The following VSTM4 variants were observed in gnomAD, a reference collection of about 807,000 sequenced individuals.
VSTM4 encodes the protein V-set and transmembrane domain-containing protein 4.
VSTM4 carries 20 observed loss-of-function variants against 36.4 expected under a neutral mutation model. That is an observed-to-expected ratio of 0.55 (90% confidence interval 0.39 to 0.80). The LOEUF (loss-of-function observed/expected upper bound fraction) is 0.80, where lower values mean the gene tolerates loss of function less well. VSTM4 is among the 30% of genes least tolerant of loss of function. The pLI, the probability that VSTM4 is intolerant of heterozygous loss-of-function variation, is 0.00. For missense variants in VSTM4, 392 were observed against 404.5 expected (o/e 0.97, Z 0.26); for synonymous variants, 182 against 173.9 (o/e 1.05, Z -0.37).
intron 5 of VSTM4, 137 bp from the exon 6 acceptor site, chr10:49,048,721 G>A: frequency 1.5e-6 from 1 of 668,908 alleles, no homozygotes; most frequent in Non-Finnish European, 2.5e-6. Flanking sequence ...TTATCATATG[G>A]GTAGACTGGA....
chr10:49,048,719 T>A, intron 5 of VSTM4, 135 bp from the exon 6 acceptor site: 1 of 669,026 alleles, frequency 1.5e-6, no homozygotes, highest in Non-Finnish European at 2.5e-6. Context: ...GGTTATCATA[T>A]GGGTAGACTG....
At chr10:49,051,731 C>G (rs1290554951) in intron 5 of VSTM4, among the ~76,000 whole-genome samples, 1 of 152,188 alleles carries the variant, frequency 6.6e-6, no homozygotes, top group Non-Finnish European at 1.5e-5. Flanking sequence ...GAGTAATATT[C>G]TGTCATCTGG....
chr10:49,044,286 C>T (rs576046478), intron 7 of VSTM4, among the ~76,000 whole-genome samples: 2 of 151,654 alleles, frequency 1.3e-5, no homozygotes, highest in Non-Finnish European at 2.9e-5. Flanking sequence ...CGAGGTAGTA[C>T]CACTGCATTC....
chr10:49,027,525 T>TA (rs1223938160), intron 7 of VSTM4, among the ~76,000 whole-genome samples: 1 of 152,200 alleles, frequency 6.6e-6, no homozygotes, highest in Non-Finnish European at 1.5e-5. Flanking sequence ...AACACAGGTA[T>TA]AGATGTCTGT....
chr10:49,030,975 C>T (rs1475910667), intron 7 of VSTM4, among the ~76,000 whole-genome samples: 2 of 152,220 alleles, frequency 1.3e-5, no homozygotes, highest in African/African-American at 4.8e-5. Context: ...CATGGTCTAA[C>T]ATGGTCATTC....
chr10:49,033,897 C>T (rs1843384677), intron 7 of VSTM4, among the ~76,000 whole-genome samples: 1 of 152,066 alleles, frequency 6.6e-6, no homozygotes, highest in South Asian at 2.1e-4. Context: ...TTACCACCGC[C>T]ATCACCACCA....
intron 3 of VSTM4, among the ~76,000 whole-genome samples, chr10:49,080,493 A>G (rs572115081): frequency 1.8e-4 from 27 of 152,398 alleles, no homozygotes; most frequent in Non-Finnish European, 3.8e-4. Context: ...TAGTTTGAAT[A>G]GATTTCTGCT....
intron 3 of VSTM4, among the ~76,000 whole-genome samples, chr10:49,077,733 C>T (rs1844205709): frequency 6.6e-6 from 1 of 152,106 alleles, no homozygotes; most frequent in Admixed American, 6.5e-5. Context: ...CAAGAAAAAT[C>T]TTTGGGATCT....
intron 7 of VSTM4, among the ~76,000 whole-genome samples, chr10:49,023,511 G>T (rs1318045288): frequency 6.6e-6 from 1 of 152,222 alleles, no homozygotes; most frequent in Non-Finnish European, 1.5e-5. Flanking sequence ...TAAAAAACTG[G>T]TGGTAAAACC....
chr10:49,092,233 G>C (rs1421368110), intron 2 of VSTM4, among the ~76,000 whole-genome samples: 4 of 152,224 alleles, frequency 2.6e-5, no homozygotes, highest in Non-Finnish European at 5.9e-5. Flanking sequence ...CTGAGTTTCT[G>C]AGAGGGTTTG....
Position 49,071,888 on chromosome 10 carries a change from T to C in VSTM4, c.634+5331A>G, listed in dbSNP as rs138723878. Among the ~76,000 whole-genome samples the C allele has an allele frequency of 3.1e-3, 478 of 152,288 alleles. 1 individual carries two copies. The highest frequency in any genetic ancestry group is 5.2e-3 in the Non-Finnish European group (351 of 68,030). On this transcript the variant is annotated intron_variant, in intron 4 of 7. Coordinates refer to ENST00000332853, the MANE Select transcript of VSTM4 (RefSeq NM_001031746.5). ...GAAGCCCAACAAACATACAACTGCATAGAGAGACTGGAAACCATGAACAGA... is the reference window on the plus strand; with the variant it reads ...GAAGCCCAACAAACATACAACTGCACAGAGAGACTGGAAACCATGAACAGA...
At chr10:49,090,925 C>A (rs1330561515) in intron 2 of VSTM4, among the ~76,000 whole-genome samples, 1 of 151,760 alleles carries the variant, frequency 6.6e-6, no homozygotes, top group African/African-American at 2.4e-5. Flanking sequence ...TCCAGGGAGA[C>A]CATGACAAGG....
chr10:49,077,374 C>T, intron 3 of VSTM4, 48 bp from the exon 4 acceptor site: 1 of 1,541,152 alleles, frequency 6.5e-7, no homozygotes, highest in Non-Finnish European at 9.0e-7. Context: ...GGGGCCGCAG[C>T]AGAAGTGCGC....
At chr10:49,042,786 T>C (rs764814374) in intron 7 of VSTM4, among the ~76,000 whole-genome samples, 5 of 152,252 alleles carry the variant, frequency 3.3e-5, no homozygotes, top group African/African-American at 1.2e-4. Context: ...CCTGCCTTTA[T>C]GGATCTTGTA....
chr10:49,089,322 C>A (rs960595077), intron 2 of VSTM4, among the ~76,000 whole-genome samples: 2 of 152,162 alleles, frequency 1.3e-5, no homozygotes, highest in African/African-American at 4.8e-5. Flanking sequence ...TCCACCCCCG[C>A]CAACCTCAGA....
chr10:49,053,133 C>G (rs1843724180), intron 5 of VSTM4, among the ~76,000 whole-genome samples: 1 of 152,160 alleles, frequency 6.6e-6, no homozygotes, highest in Non-Finnish European at 1.5e-5. Context: ...TGAGTCAAAC[C>G]AAGAAAGACA....
intron 7 of VSTM4, among the ~76,000 whole-genome samples, chr10:49,039,466 A>G (rs1047768147): frequency 6.6e-6 from 1 of 152,120 alleles, no homozygotes; most frequent in Non-Finnish European, 1.5e-5. Flanking sequence ...GACAGGATGC[A>G]AGCGCTTCCC....
At chr10:49,044,931 C>T (rs1405317048) in intron 7 of VSTM4, among the ~76,000 whole-genome samples, 4 of 152,210 alleles carry the variant, frequency 2.6e-5, no homozygotes, top group South Asian at 2.1e-4. Context: ...CCAAAAAACC[C>T]GTCACCAAAC....
intron 5 of VSTM4, among the ~76,000 whole-genome samples, chr10:49,063,025 C>CCT (rs369693588): frequency 7.2e-6 from 1 of 138,852 alleles, no homozygotes; most frequent in Non-Finnish European, 1.6e-5. Context: ...ATGATTGAAT[C>CCT]TTTTTTTTTT....
Sources: allele counts gnomAD v4.1 joint callset (sites outside exome capture counted in the v4.1 genomes callset), GRCh38; gene constraint gnomAD v4.1.1; transcripts MANE v1.5; gene names NCBI Gene and HGNC (gene_info 2026-07-23, HGNC 2026-07-21).